PCDHA11: variants seen among roughly 807,000 people sequenced by gnomAD.
PCDHA11 encodes protocadherin alpha-11.
A neutral mutation model predicts 70.3 loss-of-function variants in PCDHA11; 61 were observed. That is an observed-to-expected ratio of 0.87 (90% CI 0.71 to 1.07). PCDHA11 has a LOEUF of 1.07. PCDHA11 is among the 50% of genes least tolerant of loss of function. The pLI, the probability that PCDHA11 is intolerant of heterozygous loss-of-function variation, is 0.00. For synonymous variants in PCDHA11, 633 were observed against 555.1 expected (o/e 1.14, Z -1.97); for missense variants, 1,324 against 1,237.5 (o/e 1.07, Z -1.05).
intron 1 of PCDHA11, among the ~76,000 whole-genome samples, chr5:140,948,369 TG>T (rs1209104577): frequency 7.9e-5 from 12 of 151,580 alleles, no homozygotes; most frequent in Non-Finnish European, 3.0e-5. Context: ...ACTTAGGAGG[TG>T]TTCCTTCCTC....
intron 3 of PCDHA11, among the ~76,000 whole-genome samples, chr5:141,007,166 A>C (rs548434277): frequency 3.3e-5 from 5 of 152,294 alleles, no homozygotes; most frequent in Admixed American, 6.5e-5. Context: ...GAACAGTCAG[A>C]GAGAAAGGTC....
chr5:140,900,416 T>G (rs1303205296), intron 1 of PCDHA11, among the ~76,000 whole-genome samples: 8 of 152,220 alleles, frequency 5.3e-5, no homozygotes, highest in Admixed American at 5.2e-4. Flanking sequence ...TAGCTGGGAT[T>G]ATAGGCACGT....
At chr5:140,882,072 T>G in intron 1 of PCDHA11, 4 of 861,576 alleles carry the variant, frequency 4.6e-6, no homozygotes, top group Non-Finnish European at 7.0e-6. Flanking sequence ...TTCATGCGCA[T>G]GGTGTCGCTC....
intron 1 of PCDHA11, chr5:140,927,919 C>G (rs782561454): frequency 6.2e-7 from 1 of 1,614,216 alleles, no homozygotes; most frequent in Non-Finnish European, 8.5e-7. Context: ...ACTGGACTTC[C>G]TGACTCTTTC....
intron 3 of PCDHA11, among the ~76,000 whole-genome samples, chr5:141,009,108 A>G (rs529319870): frequency 5.3e-5 from 8 of 152,346 alleles, no homozygotes; most frequent in African/African-American, 1.9e-4. Context: ...TGTTACTATG[A>G]AACTAGATTC....
chr5:141,010,274 T>C lies in PCDHA11; in HGVS notation c.*337T>C, dbSNP rs1554262865. On this transcript the variant is annotated 3_prime_UTR_variant, in exon 4 of 4. Coordinates refer to ENST00000398640, the MANE Select transcript of PCDHA11 (RefSeq NM_018902.5). ...TCTGCCCTGTGCTCCGGGGATCCTG[T>C]CTTGATGACACTTGCAGGGCAGGCT... is the stretch of plus-strand genomic sequence containing the variant. The C allele has an allele frequency of 6.4e-7, 1 of 1,551,424 alleles. No homozygotes were observed. Among genetic ancestry groups the C allele is most frequent in the Admixed American group, 2.0e-5 (1 of 50,930 alleles).
rs1408684171 is a variant in PCDHA11, at chr5:140,870,608, C to A, written c.1505C>A (p.Ala502Glu). The A allele has an allele frequency of 6.2e-7, 1 of 1,613,106 alleles. No individual in the cohort carries two copies. The highest frequency in any genetic ancestry group is 1.3e-5 in the African/African-American group (1 of 74,934). The change falls in exon 1 of 4, where the codon GCG becomes GAG. Residue 502 changes from alanine to glutamate, a missense_variant. By Grantham distance (107) the Ala-to-Glu change is moderately radical. Coordinates refer to ENST00000398640, the MANE Select transcript of PCDHA11 (RefSeq NM_018902.5). Reference sequence around the variant, plus strand: ...GTGGAGCGGCGGTTGGGCGACCGCGCGCTGTCGAGCTACGTGTCGGTGCAC... The same window carrying A: ...GTGGAGCGGCGGTTGGGCGACCGCGAGCTGTCGAGCTACGTGTCGGTGCAC... The part of the protein sequence containing the change: ...SLVERRLGDR[A>E]LSSYVSVHAE...
chr5:140,882,566 G>A, intron 1 of PCDHA11: 1 of 1,614,252 alleles, frequency 6.2e-7, no homozygotes, highest in Non-Finnish European at 8.5e-7. Context: ...TGGGCGGAGC[G>A]CGGAGTGCAG....
chr5:141,009,594 C>G, intron 3 of PCDHA11, 33 bp from the exon 4 acceptor site: 1 of 1,602,468 alleles, frequency 6.2e-7, no homozygotes, highest in Non-Finnish European at 8.5e-7. Context: ...ATGTGTTGAC[C>G]CTGTTAATGA....
At chr5:140,990,273 G>A (rs2097384089) in intron 3 of PCDHA11, among the ~76,000 whole-genome samples, 2 of 152,100 alleles carry the variant, frequency 1.3e-5, no homozygotes, top group African/African-American at 4.8e-5. Flanking sequence ...AATGTACCCC[G>A]GGTCTTGAGA....
At chr5:140,967,409 C>T (rs1451311967) in intron 1 of PCDHA11, 9 of 1,613,130 alleles carry the variant, frequency 5.6e-6, no homozygotes, top group Non-Finnish European at 7.6e-6. Flanking sequence ...GCGTAAGGGC[C>T]TAGACCGGGA....
chr5:140,928,468 G>A, intron 1 of PCDHA11: 1 of 1,614,154 alleles, frequency 6.2e-7, no homozygotes. Flanking sequence ...TTTCCAAGTA[G>A]AAGGCCGGGA....
At chr5:140,968,592 C>G (rs1554230905) in intron 1 of PCDHA11, 1 of 1,614,208 alleles carries the variant, frequency 6.2e-7, no homozygotes, top group African/African-American at 1.3e-5. Flanking sequence ...AAAGTCATAG[C>G]TATGGACTCA....
At chr5:140,900,139 G>A (rs985320509) in intron 1 of PCDHA11, among the ~76,000 whole-genome samples, 2 of 152,156 alleles carry the variant, frequency 1.3e-5, no homozygotes, top group East Asian at 3.9e-4. Context: ...CCACAAATAA[G>A]TAAGAACATA....
intron 3 of PCDHA11, among the ~76,000 whole-genome samples, chr5:140,985,544 G>T (rs1426303468): frequency 6.6e-6 from 1 of 152,108 alleles, no homozygotes; most frequent in Non-Finnish European, 1.5e-5. Flanking sequence ...TGAAGATGCA[G>T]TTGCTTCCAA....
chr5:140,893,249 T>A (rs1317089236), intron 1 of PCDHA11, among the ~76,000 whole-genome samples: 2 of 152,220 alleles, frequency 1.3e-5, no homozygotes, highest in African/African-American at 4.8e-5. Context: ...TTTCCTTTTC[T>A]TTGGATAAAT....
At chr5:140,871,533 G>A in intron 1 of PCDHA11, 39 bp downstream of exon 1, 2 of 1,516,446 alleles carry the variant, frequency 1.3e-6, no homozygotes, top group South Asian at 1.3e-5. Context: ...GGAAGTGTAT[G>A]TGAAATTATT....
At chr5:140,958,544 A>G (rs1218939069) in intron 1 of PCDHA11, among the ~76,000 whole-genome samples, 1 of 152,182 alleles carries the variant, frequency 6.6e-6, no homozygotes, top group Non-Finnish European at 1.5e-5. Flanking sequence ...TGATTTATGA[A>G]CCAATAAATG....
Position 140,869,722 on chromosome 5 carries a change from G to A in PCDHA11, c.619G>A (p.Glu207Lys). 2 of 1,613,324 alleles carry A rather than the reference G, an allele frequency of 1.2e-6. No individual in the cohort carries two copies. The highest frequency in any genetic ancestry group is 1.7e-6 in the Non-Finnish European group (2 of 1,179,856). ...GTCTCTGGATAGAGAGAAAACTCCG[G>A]AACTTAATTTGCTGCTAACAGCTAC... Reference protein sequence around the residue: ...KKSLDREKTPELNLLLTATDG... With the variant: ...KKSLDREKTPKLNLLLTATDG... The change falls in exon 1 of 4, where the codon GAA (glutamate) becomes AAA (lysine). Residue 207 changes from glutamate (E) to lysine (K), a missense_variant. Coordinates refer to ENST00000398640, the MANE Select transcript of PCDHA11 (RefSeq NM_018902.5).
Sources: gnomAD v4.1 joint callset for allele counts (sites outside exome capture counted in the v4.1 genomes callset) on GRCh38, gnomAD v4.1.1 for gene constraint, MANE v1.5 for transcripts, NCBI Gene and HGNC (gene_info 2026-07-23, HGNC 2026-07-21) for gene names.